The following NFILZ variants were observed in gnomAD, a reference collection of about 807,000 sequenced individuals.
NFILZ encodes NFIL3 like basic leucine zipper, also known as NFIL3 like protein.
At chr19:8,662,851 G>T (rs550160358) in intron 3 of NFILZ, among the ~76,000 whole-genome samples, 4 of 151,646 alleles carry the variant, frequency 2.6e-5, no homozygotes, top group Non-Finnish European at 5.9e-5. Context: ...TGGCCAGGTT[G>T]GTCTTCAACT....
intron 3 of NFILZ, among the ~76,000 whole-genome samples, chr19:8,659,628 A>G (rs1161379216): frequency 1.3e-5 from 2 of 152,190 alleles, no homozygotes; most frequent in Admixed American, 1.3e-4. Context: ...TCTGATATGC[A>G]TGGTAAAAAG....
At position 8,665,391 on chromosome 19, in the gene NFILZ, G is replaced by A. The variant is rs117617933; in HGVS notation, c.-163-9160G>A. Reference sequence around the variant, plus strand: ...AGTGGTGTGTTTGAGGAGGGCTAAGGGGGTACTAAGGCCAGAAAAGGGATA... The same window carrying A: ...AGTGGTGTGTTTGAGGAGGGCTAAGAGGGTACTAAGGCCAGAAAAGGGATA... On this transcript the variant is annotated intron_variant, in intron 3 of 5. Coordinates refer to ENST00000691075, the MANE Select transcript of NFILZ (RefSeq NM_001378600.1). Among the ~76,000 whole-genome samples, 153 of 152,246 alleles carry A rather than the reference G, an allele frequency of 1.0e-3. 2 individuals carry two copies. In the East Asian group the frequency reaches 0.026, roughly 26 times the overall value.
intron 3 of NFILZ, among the ~76,000 whole-genome samples, chr19:8,647,793 G>GACACACACACA (rs2042947372): frequency 1.4e-5 from 1 of 69,612 alleles, no homozygotes; most frequent in Non-Finnish European, 2.8e-5. Flanking sequence ...GCGCGCGCGC[G>GACACACACACA]CGCACACACA....
At chr19:8,646,081 G>A (rs187398845) in intron 3 of NFILZ, among the ~76,000 whole-genome samples, 30 of 151,892 alleles carry the variant, frequency 2.0e-4, no homozygotes, top group Middle Eastern at 3.4e-3. Context: ...CTGTTGCCCA[G>A]GCTGGAGTCC....
At chr19:8,659,490 T>A (rs1305879828) in intron 3 of NFILZ, among the ~76,000 whole-genome samples, 1 of 151,338 alleles carries the variant, frequency 6.6e-6, no homozygotes, top group East Asian at 2.0e-4. Flanking sequence ...TGACTCCGAA[T>A]GGTGGGAAGG....
At chr19:8,650,483 G>A (rs997486597) in intron 3 of NFILZ, among the ~76,000 whole-genome samples, 1 of 151,856 alleles carries the variant, frequency 6.6e-6, no homozygotes, top group Non-Finnish European at 1.5e-5. Context: ...GGCAAAACCC[G>A]TCTCTACTAA....
At position 8,678,151 on chromosome 19, in the gene NFILZ, G is replaced by GTCCATCCATCCA. The variant is rs370262582; in HGVS notation, c.*544_*555dup. Among the ~76,000 whole-genome samples, 9 of 48,964 alleles carry GTCCATCCATCCA rather than the reference G, an allele frequency of 1.8e-4. No individual in the cohort carries two copies. Among genetic ancestry groups the GTCCATCCATCCA allele is most frequent in the Non-Finnish European group, 2.2e-4 (6 of 26,736 alleles). The allele number at this position is 48,964 out of a possible 152,430, so 32.1% of individuals were successfully genotyped here. ...CCTCCATCCATTCATCCACTTGTCC[G>GTCCATCCATCCA]TCCATCCATCCATCCATCCATCCAT... On this transcript the variant is annotated 3_prime_UTR_variant, in exon 6 of 6. Coordinates refer to ENST00000691075, the MANE Select transcript of NFILZ (RefSeq NM_001378600.1).
intron 3 of NFILZ, among the ~76,000 whole-genome samples, chr19:8,647,580 C>G (rs1329135568): frequency 6.8e-6 from 1 of 147,970 alleles, no homozygotes; most frequent in African/African-American, 2.5e-5. Context: ...CCCCGCACCC[C>G]CCCCCCCAAA....
chr19:8,635,326 A>T (rs1451000770), intron 2 of NFILZ, among the ~76,000 whole-genome samples: 2 of 1,906 alleles, frequency 1.0e-3, no homozygotes, highest in Non-Finnish European at 3.7e-3. Flanking sequence ...AAAAAAATTA[A>T]AAAAAAAAAA....
intron 3 of NFILZ, among the ~76,000 whole-genome samples, chr19:8,652,969 C>CTCCTTCCT (rs1207071930): frequency 2.6e-5 from 3 of 114,028 alleles, no homozygotes; most frequent in Admixed American, 9.4e-5. Context: ...CCTTCCTTCC[C>CTCCTTCCT]TCCTTCCTTC....
chr19:8,634,446 C>A (rs1469107921), intron 2 of NFILZ, among the ~76,000 whole-genome samples: 1 of 152,216 alleles, frequency 6.6e-6, no homozygotes, highest in East Asian at 1.9e-4. Context: ...CCGTGACACC[C>A]AGCTAATTTT....
At chr19:8,671,817 C>G (rs933178209) in intron 3 of NFILZ, among the ~76,000 whole-genome samples, 1 of 152,186 alleles carries the variant, frequency 6.6e-6, no homozygotes, top group Non-Finnish European at 1.5e-5. Flanking sequence ...TTGTTGGGAC[C>G]CCCTCTGATG....
At chr19:8,666,206 T>C (rs1024655759) in intron 3 of NFILZ, among the ~76,000 whole-genome samples, 6 of 152,080 alleles carry the variant, frequency 3.9e-5, no homozygotes, top group African/African-American at 1.4e-4. Flanking sequence ...TATGCTGATA[T>C]GCTGAGTATC....
chr19:8,667,572 G>A (rs782788854), intron 3 of NFILZ, among the ~76,000 whole-genome samples: 9 of 151,970 alleles, frequency 5.9e-5, no homozygotes, highest in Non-Finnish European at 1.2e-4. Flanking sequence ...TTTTGAGATG[G>A]AGTCTCGCTC....
chr19:8,662,191 C>G (rs570945000), intron 3 of NFILZ, among the ~76,000 whole-genome samples: 2 of 143,712 alleles, frequency 1.4e-5, no homozygotes, highest in Admixed American at 1.4e-4. Flanking sequence ...GGTGACAGAG[C>G]AAGACTCTGT....
intron 3 of NFILZ, among the ~76,000 whole-genome samples, chr19:8,649,205 A>G (rs782133938): frequency 6.6e-6 from 1 of 151,452 alleles, no homozygotes; most frequent in Non-Finnish European, 1.5e-5. Context: ...GGTTCAAGCA[A>G]TCCTCCCACC....
chr19:8,635,355 T>C (rs1600137784), intron 2 of NFILZ, among the ~76,000 whole-genome samples: 2 of 151,654 alleles, frequency 1.3e-5, no homozygotes, highest in African/African-American at 4.8e-5. Flanking sequence ...ACAGAATACC[T>C]TTTTCCCTCC....
chr19:8,663,737 T>C (rs1351644406), intron 3 of NFILZ, among the ~76,000 whole-genome samples: 596 of 42,444 alleles, frequency 0.014, 9 homozygotes, highest in South Asian at 0.028. Flanking sequence ...TGTGTGTGTG[T>C]GTGTGTGTGT....
chr19:8,672,993 G>C (rs937663671), intron 3 of NFILZ, among the ~76,000 whole-genome samples: 7 of 152,108 alleles, frequency 4.6e-5, no homozygotes, highest in East Asian at 1.9e-4. Context: ...TGGGGGCCCA[G>C]GTGGGATAGA....
Sources: allele counts gnomAD v4.1 joint callset (sites outside exome capture counted in the v4.1 genomes callset), GRCh38; gene constraint gnomAD v4.1.1; transcripts MANE v1.5; gene names NCBI Gene and HGNC (gene_info 2026-07-23, HGNC 2026-07-21).